ASTN2: variants seen among roughly 807,000 people sequenced by gnomAD.
ASTN2 encodes the protein astrotactin-2.
In ASTN2, 54 loss-of-function variants were observed where a neutral mutation model predicts 139.8. The observed-to-expected ratio is 0.39, with a 90% CI of 0.31 to 0.48. The LOEUF (loss-of-function observed/expected upper bound fraction) is 0.48, where lower values mean the gene tolerates loss of function less well. Ranked by LOEUF, ASTN2 falls within the 20% of genes least tolerant of loss-of-function variation. The pLI is 0.95. For missense variants in ASTN2, 1,565 were observed against 1,725.1 expected, an observed-to-expected ratio of 0.91 and a Z score of 1.64; for synonymous variants, 756 against 719.5, an observed-to-expected ratio of 1.05 and a Z score of -0.81.
At chr9:116,952,027 C>T (rs959067205) in intron 10 of ASTN2, among the ~76,000 whole-genome samples, 3 of 152,272 alleles carry the variant, frequency 2.0e-5, no homozygotes, top group Non-Finnish European at 4.4e-5. Flanking sequence ...GTGGGTTGTG[C>T]CACTATAGCT....
chr9:117,260,813 C>G (rs909580767), intron 2 of ASTN2, among the ~76,000 whole-genome samples: 4 of 152,148 alleles, frequency 2.6e-5, no homozygotes, highest in African/African-American at 9.7e-5. Flanking sequence ...TAGGCACATA[C>G]CATGTACCTC....
At chr9:116,530,136 TATATATATATATATAAAATAG>T (rs1851274640) in intron 19 of ASTN2, among the ~76,000 whole-genome samples, 1 of 29,280 alleles carries the variant, frequency 3.4e-5, no homozygotes, top group African/African-American at 1.6e-4. Context: ...TATATATATA[TATATATATATATATAAAATAG>T]AATATTATTA....
chr9:116,799,443 C>T (rs887015109), intron 13 of ASTN2, among the ~76,000 whole-genome samples: 8 of 152,278 alleles, frequency 5.3e-5, no homozygotes, highest in Middle Eastern at 6.8e-3. Context: ...GCTCCTCCAG[C>T]TCTTTGCAGG....
At chr9:117,191,304 G>T (rs2132968617) in intron 3 of ASTN2, among the ~76,000 whole-genome samples, 1 of 149,220 alleles carries the variant, frequency 6.7e-6, no homozygotes, top group East Asian at 2.0e-4. Context: ...AGAATTACAT[G>T]CATGTTGAAA....
chr9:117,083,136 T>A (rs952167084), intron 5 of ASTN2, among the ~76,000 whole-genome samples: 2 of 152,180 alleles, frequency 1.3e-5, no homozygotes, highest in African/African-American at 4.8e-5. Flanking sequence ...ATCCTATTGG[T>A]CTATTTCCCA....
intron 20 of ASTN2, among the ~76,000 whole-genome samples, chr9:116,445,055 C>T (rs561135168): frequency 1.3e-5 from 2 of 152,278 alleles, no homozygotes; most frequent in South Asian, 4.1e-4. Context: ...GATGCAAATG[C>T]TAGCATGCAT....
chr9:116,691,514 G>T (rs557476533), intron 16 of ASTN2, among the ~76,000 whole-genome samples: 1 of 152,316 alleles, frequency 6.6e-6, no homozygotes, highest in South Asian at 2.1e-4. Context: ...ACATAGTTTA[G>T]CTATGTTTAA....
chr9:116,445,339 GAC>G (rs1847956012), intron 20 of ASTN2, among the ~76,000 whole-genome samples: 1 of 152,198 alleles, frequency 6.6e-6, no homozygotes, highest in Non-Finnish European at 1.5e-5. Flanking sequence ...ATTTGTGCAA[GAC>G]AACACATTTT....
chr9:116,799,667 C>A (rs1453070309), intron 13 of ASTN2, among the ~76,000 whole-genome samples: 3 of 145,324 alleles, frequency 2.1e-5, no homozygotes, highest in African/African-American at 7.9e-5. Context: ...TACCTTTCTT[C>A]CTTATAGGAA....
rs74883736 is a variant in ASTN2, at chr9:117,292,625, T to A, written c.443-1112A>T. On this transcript the variant is annotated intron_variant, in intron 1 of 22. Transcript: ENST00000313400. ...TTAGTGGTGCTAGAGGCTTAGAACC[T>A]TGACCCCTCCCTCCTGAGACAGCTA... Among the ~76,000 whole-genome samples the A allele has an allele frequency of 1.6e-4, 25 of 152,222 alleles. No individual in the cohort carries two copies. The East Asian group carries it at 4.8e-3, about 29-fold the overall frequency.
intron 20 of ASTN2, among the ~76,000 whole-genome samples, chr9:116,464,610 T>C (rs1421549763): frequency 6.6e-6 from 1 of 152,202 alleles, no homozygotes; most frequent in Non-Finnish European, 1.5e-5. Context: ...TGAGTATTCA[T>C]GTAGCTGTGT....
chr9:117,365,299 A>AAAAG (rs1406982648), intron 1 of ASTN2, among the ~76,000 whole-genome samples: 1 of 148,674 alleles, frequency 6.7e-6, no homozygotes, highest in African/African-American at 2.6e-5. Flanking sequence ...AATAGAAAGA[A>AAAAG]AAAGAAAGAA....
rs1160356170 is a variant in ASTN2 at position 116,699,842 on chromosome 9, C to CATCT, written c.2806+25925_2806+25928dup. On this transcript the variant is annotated intron_variant, in intron 16 of 22. Transcript: ENST00000313400. This position sits in a 1 kb window ranked among gnomAD's most constrained non-coding sequence, Gnocchi z 4.2. ...GGTAGTTCTAGAACTTCAGAAGCTC[C>CATCT]ATCTTTTAATGTTTTTATTTGTTAT... is the stretch of plus-strand genomic sequence containing the variant. 5 of 1,147,080 alleles carry CATCT rather than the reference C, an allele frequency of 4.4e-6. No individual in the cohort carries two copies. The African/African-American group carries it at 6.3e-5, about 14-fold the overall frequency. The allele number at this position is 1,147,080 out of a possible 1,614,324, so 71.1% of individuals were successfully genotyped here. A position where few individuals can be genotyped will look rare whatever the true frequency, so the allele number is the denominator to read the frequency against.
intron 16 of ASTN2, among the ~76,000 whole-genome samples, chr9:116,652,615 T>C (rs1857981299): frequency 1.3e-5 from 2 of 152,140 alleles, no homozygotes; most frequent in East Asian, 3.9e-4. Context: ...CTCTGCAACC[T>C]TAGGAAAATG....
intron 6 of ASTN2, among the ~76,000 whole-genome samples, chr9:117,027,734 A>G (rs1381339256): frequency 6.6e-6 from 1 of 152,164 alleles, no homozygotes; most frequent in Non-Finnish European, 1.5e-5. Flanking sequence ...ATATGTCCTG[A>G]TGGTTCAGAT....
At chr9:117,115,094 G>A (rs1272595215) in intron 4 of ASTN2, among the ~76,000 whole-genome samples, 2 of 152,160 alleles carry the variant, frequency 1.3e-5, no homozygotes, top group Non-Finnish European at 1.5e-5. Context: ...AAAGGAAAAG[G>A]TTGTTGCTTT....
At chr9:116,500,990 G>A (rs1357306187) in intron 19 of ASTN2, among the ~76,000 whole-genome samples, 3 of 152,094 alleles carry the variant, frequency 2.0e-5, no homozygotes, top group Non-Finnish European at 4.4e-5. Context: ...CAAACTATGT[G>A]TCCCAAGATT....
chr9:116,751,291 A>G (rs551275005), intron 13 of ASTN2, among the ~76,000 whole-genome samples: 1 of 152,314 alleles, frequency 6.6e-6, no homozygotes, highest in African/African-American at 2.4e-5. Context: ...GCCTATGTAT[A>G]TATTTGCCTG....
chr9:117,116,935 T>C (rs1829411241), intron 4 of ASTN2, among the ~76,000 whole-genome samples: 1 of 151,070 alleles, frequency 6.6e-6, no homozygotes, highest in South Asian at 2.1e-4. Context: ...CTATTACTGA[T>C]GTATAAAGCT....
Sources: gnomAD v4.1 joint callset for allele counts (sites outside exome capture counted in the v4.1 genomes callset) on GRCh38, gnomAD v4.1.1 for gene constraint, Gnocchi (gnomAD v3.1) non-coding constraint, MANE v1.5 for transcripts, NCBI Gene and HGNC (gene_info 2026-07-23, HGNC 2026-07-21) for gene names.